HERC1: variants seen among roughly 807,000 people sequenced by gnomAD.
The protein encoded by HERC1 is HECT and RLD domain containing E3 ubiquitin protein ligase family member 1, also known as probable E3 ubiquitin-protein ligase HERC1.
A neutral mutation model predicts 554.3 loss-of-function variants in HERC1; 160 were observed. The ratio of observed to expected loss-of-function variants is 0.29; its 90% CI spans 0.25 to 0.33. The LOEUF (loss-of-function observed/expected upper bound fraction) is 0.33. Among genes scored for constraint, HERC1 ranks in the 10% least tolerant of loss-of-function variants. HERC1 has a pLI of 1.00. For synonymous variants in HERC1, 2,175 were observed against 2,131.7 expected (o/e 1.02, Z -0.56); for missense variants, 4,919 against 5,918.5 (o/e 0.83, Z 5.54).
chr15:63,822,501 G>A (rs1294088045), intron 1 of HERC1, among the ~76,000 whole-genome samples: 6 of 151,750 alleles, frequency 4.0e-5, no homozygotes, highest in African/African-American at 1.5e-4. Context: ...CAGGATAATC[G>A]CTTGAACTCA....
At chr15:63,773,302 G>A (rs954709106) in intron 2 of HERC1, among the ~76,000 whole-genome samples, 1 of 151,508 alleles carries the variant, frequency 6.6e-6, no homozygotes, top group Non-Finnish European at 1.5e-5. Context: ...AAATTAGCCG[G>A]GCATGCTAGT....
intron 8 of HERC1, 91 bp downstream of exon 8, chr15:63,752,867 T>C: frequency 8.2e-7 from 1 of 1,226,448 alleles, no homozygotes; most frequent in South Asian, 1.5e-5. Flanking sequence ...TGTATTTATT[T>C]GAACTTTAAA....
intron 12 of HERC1, among the ~76,000 whole-genome samples, chr15:63,742,726 T>A (rs531302347): frequency 2.6e-5 from 4 of 152,128 alleles, no homozygotes. Flanking sequence ...GATAATCACA[T>A]TGTTTTTGTT....
Position 63,753,029 on chromosome 15 carries a change from A to G in HERC1, c.1831T>C (p.Leu611=). The G allele has an allele frequency of 6.2e-7, 1 of 1,613,422 alleles. No individual in the cohort carries two copies. Among genetic ancestry groups the G allele is most frequent in the Non-Finnish European group, 8.5e-7 (1 of 1,179,578 alleles). The change falls in exon 8 of 78, where the codon TTA becomes CTA. Residue 611 remains leucine (L), a synonymous_variant. Transcript: ENST00000443617. ...RVYKPKVIEA[L]QGMFIRKVCA... ...ACTTTGCGAATGAACATTCCTTGTAAAGCTTCAATAACTTTAGGTTTATAC... is the reference window on the plus strand; with the variant it reads ...ACTTTGCGAATGAACATTCCTTGTAGAGCTTCAATAACTTTAGGTTTATAC...
At chr15:63,705,037 C>A (rs1353126513) in intron 25 of HERC1, among the ~76,000 whole-genome samples, 1 of 152,070 alleles carries the variant, frequency 6.6e-6, no homozygotes, top group Non-Finnish European at 1.5e-5. Context: ...GACACCCCAC[C>A]CTCTGTAATT....
At chr15:63,801,440 G>A (rs900200468) in intron 1 of HERC1, among the ~76,000 whole-genome samples, 4 of 152,160 alleles carry the variant, frequency 2.6e-5, no homozygotes, top group Admixed American at 1.3e-4. Flanking sequence ...TTGGTATCTG[G>A]AAAGTTGAAG....
chr15:63,696,469 ATTTAT>A (rs2072421297), intron 26 of HERC1, 130 bp from the exon 27 acceptor site: 3 of 620,396 alleles, frequency 4.8e-6, no homozygotes, highest in Non-Finnish European at 8.3e-6. Flanking sequence ...TAAGATAAAC[ATTTAT>A]TTTATTATTA....
At position 63,618,504 on chromosome 15, in the gene HERC1, A is replaced by G. The variant is rs201228918; in HGVS notation, c.13689-1822T>C. On this transcript the variant is annotated intron_variant, in intron 74 of 77. Coordinates refer to ENST00000443617, the MANE Select transcript of HERC1 (RefSeq NM_003922.4). ...AATGCGGGCTCTTTTTTGGTTCCATATGAACTTTAAAGTAGTTTTTTCCAA... is the reference window on the plus strand; with the variant it reads ...AATGCGGGCTCTTTTTTGGTTCCATGTGAACTTTAAAGTAGTTTTTTCCAA... 8.2e-4 allele frequency among the ~76,000 whole-genome samples: 92 copies of G among 112,672 alleles called. 2 individuals are homozygous for G. In the East Asian group the frequency reaches 0.017, roughly 21 times the overall value. The allele number at this position is 112,672 out of a possible 152,430, so 73.9% of individuals were successfully genotyped here. A position where few individuals can be genotyped will look rare whatever the true frequency, so the allele number is the denominator to read the frequency against.
intron 40 of HERC1, among the ~76,000 whole-genome samples, chr15:63,668,321 G>T (rs1290076224): frequency 6.6e-6 from 1 of 152,078 alleles, no homozygotes; most frequent in East Asian, 1.9e-4. Context: ...GTACGACCCT[G>T]TCTCTACAAA....
At chr15:63,800,776 T>C (rs1210868979) in intron 1 of HERC1, among the ~76,000 whole-genome samples, 2 of 152,224 alleles carry the variant, frequency 1.3e-5, no homozygotes, top group African/African-American at 4.8e-5. Context: ...AGGAGCATCT[T>C]TTGTTATTCG....
intron 1 of HERC1, among the ~76,000 whole-genome samples, chr15:63,810,187 A>AT (rs1398719320): frequency 3.9e-5 from 6 of 152,224 alleles, no homozygotes; most frequent in Admixed American, 1.3e-4. Context: ...AAAAGAATTA[A>AT]AAGCAGAGAC....
intron 72 of HERC1, 111 bp from the exon 73 acceptor site, chr15:63,624,001 G>T: frequency 7.6e-7 from 1 of 1,313,298 alleles, no homozygotes. Context: ...GGCAAGCACT[G>T]TGCTAGGCCC....
intron 12 of HERC1, 88 bp downstream of exon 12, chr15:63,746,830 T>C: frequency 9.0e-7 from 1 of 1,111,874 alleles, no homozygotes; most frequent in Non-Finnish European, 1.3e-6. Flanking sequence ...ATTGAAATTG[T>C]CCAATGTACA....
chr15:63,794,660 T>C (rs925216558), intron 1 of HERC1, among the ~76,000 whole-genome samples: 2 of 152,154 alleles, frequency 1.3e-5, no homozygotes, highest in African/African-American at 2.4e-5. Flanking sequence ...ATATATATTT[T>C]ACAATATCTC....
intron 1 of HERC1, among the ~76,000 whole-genome samples, chr15:63,829,336 T>C (rs74364295): frequency 0.027 from 4,027 of 151,536 alleles, 71 homozygotes; most frequent in African/African-American, 0.051. Flanking sequence ...GGTGGAAGGA[T>C]GGCTTAAGCC....
chr15:63,796,888 T>C (rs933853287), intron 1 of HERC1, among the ~76,000 whole-genome samples: 2 of 152,152 alleles, frequency 1.3e-5, no homozygotes, highest in African/African-American at 2.4e-5. Flanking sequence ...AGAGAACAGA[T>C]TGTAAATGTT....
chr15:63,786,461 T>A (rs1021061932), intron 1 of HERC1, among the ~76,000 whole-genome samples: 1 of 152,084 alleles, frequency 6.6e-6, no homozygotes, highest in Non-Finnish European at 1.5e-5. Flanking sequence ...AAACATTCAC[T>A]GGAGCATTAC....
At chr15:63,661,671 C>T in intron 45 of HERC1, 82 bp downstream of exon 45, 2 of 1,416,502 alleles carry the variant, frequency 1.4e-6, no homozygotes, top group Non-Finnish European at 2.0e-6. Flanking sequence ...TGTAACTCCT[C>T]ACGTGAAAAA....
chr15:63,728,724 A>G (rs1364881196), intron 16 of HERC1, among the ~76,000 whole-genome samples: 1 of 152,090 alleles, frequency 6.6e-6, no homozygotes, highest in Non-Finnish European at 1.5e-5. Context: ...CCATTGGGGG[A>G]GCAAAGAGGA....
Sources: allele counts gnomAD v4.1 joint callset (sites outside exome capture counted in the v4.1 genomes callset), GRCh38; gene constraint gnomAD v4.1.1; transcripts MANE v1.5; gene names NCBI Gene and HGNC (gene_info 2026-07-23, HGNC 2026-07-21).